Variants in MRRF observed in about 807,000 individuals in gnomAD.
The protein encoded by MRRF is mitochondrial ribosome recycling factor.
Under a neutral mutation model 25.1 loss-of-function variants are expected in MRRF, and 18 were observed. That is an observed-to-expected ratio of 0.72 (90% CI 0.50 to 1.06). The LOEUF (loss-of-function observed/expected upper bound fraction) is 1.06, where lower values mean the gene tolerates loss of function less well. MRRF is among the 50% of genes least tolerant of loss of function. MRRF has a pLI of 0.00. For synonymous variants in MRRF, 113 were observed against 112.1 expected (o/e 1.01, Z -0.05); for missense variants, 323 against 319.3 (o/e 1.01, Z -0.09).
intron 2 of MRRF, among the ~76,000 whole-genome samples, chr9:122,277,685 G>A (rs1327372413): frequency 6.6e-6 from 1 of 152,108 alleles, no homozygotes; most frequent in African/African-American, 2.4e-5. Context: ...CGAGTAGCTG[G>A]GACTACAGGC....
chr9:122,267,566 A>C (rs1361741006), intron 1 of MRRF, among the ~76,000 whole-genome samples: 1 of 152,200 alleles, frequency 6.6e-6, no homozygotes, highest in Admixed American at 6.5e-5. Flanking sequence ...TTAGCATCCC[A>C]AGTAACTGGG....
At chr9:122,284,822 G>T (rs1833284589) in intron 3 of MRRF, among the ~76,000 whole-genome samples, 2 of 152,164 alleles carry the variant, frequency 1.3e-5, no homozygotes, top group Admixed American at 6.5e-5. Context: ...ATCTCACTCT[G>T]TTGCCTAGGG....
intron 5 of MRRF, among the ~76,000 whole-genome samples, chr9:122,306,082 G>A (rs917002339): frequency 1.3e-5 from 2 of 152,222 alleles, no homozygotes; most frequent in African/African-American, 4.8e-5. Flanking sequence ...AGAACAGGCT[G>A]TCTTTCTCCA....
chr9:122,266,944 C>T (rs566111339), intron 1 of MRRF, among the ~76,000 whole-genome samples: 1 of 152,072 alleles, frequency 6.6e-6, no homozygotes, highest in Admixed American at 6.5e-5. Flanking sequence ...GTGGCGCACG[C>T]CTGTAATCCC....
chr9:122,271,135 A>G, intron 2 of MRRF, 60 bp downstream of exon 2: 1 of 1,416,000 alleles, frequency 7.1e-7, no homozygotes, highest in Non-Finnish European at 1.0e-6. Context: ...CCCTTGAATT[A>G]TAGCTGGCAG....
At chr9:122,283,092 ATTTTTTT>A (rs546491734) in intron 3 of MRRF, among the ~76,000 whole-genome samples, 1 of 139,248 alleles carries the variant, frequency 7.2e-6, no homozygotes, top group African/African-American at 2.6e-5. Flanking sequence ...TATAAGTACA[ATTTTTTT>A]TTTTTTTTTT....
At chr9:122,314,525 G>C (rs1835397343) in intron 6 of MRRF, among the ~76,000 whole-genome samples, 1 of 152,200 alleles carries the variant, frequency 6.6e-6, no homozygotes, top group Non-Finnish European at 1.5e-5. Context: ...AATCACTTGG[G>C]TAGCTTATAA....
intron 5 of MRRF, among the ~76,000 whole-genome samples, chr9:122,299,032 C>T (rs1429446010): frequency 2.0e-5 from 3 of 151,984 alleles, no homozygotes; most frequent in African/African-American, 4.8e-5. Flanking sequence ...TGGGAGTCTA[C>T]CTGGGATGTT....
At chr9:122,280,837 A>G (rs1467450393) in intron 3 of MRRF, among the ~76,000 whole-genome samples, 2 of 152,198 alleles carry the variant, frequency 1.3e-5, no homozygotes, top group African/African-American at 2.4e-5. Context: ...AGTTAACACT[A>G]CATTTATTTA....
Position 122,265,857 on chromosome 9 carries a change from T to C in MRRF, c.-29+919T>C. 4.8e-6 allele frequency: 4 copies of C among 827,882 alleles called. No individual in the cohort carries two copies. The Admixed American group carries it at 9.3e-5, about 19-fold the overall frequency. 51.3% of individuals were successfully genotyped at this position (827,882 alleles called of 1,614,324 possible). On this transcript the variant is annotated intron_variant, in intron 1 of 6. Transcript: ENST00000344641. ...CTACCTGTTAAAGTGTCTCATTCCT[T>C]CTTTGGCCGTGCCAGGTGCATAATG...
At position 122,324,202 on chromosome 9, in the gene MRRF, T is replaced by C. The variant is rs1836041408; in HGVS notation, c.*1585T>C. On this transcript the variant is annotated 3_prime_UTR_variant, in exon 7 of 7. Transcript: ENST00000344641. ...GCCAGTCATGAGTCTGGGCCACCCATACTCCTGACTGACCAACTACAAACT... is the reference window on the plus strand; with the variant it reads ...GCCAGTCATGAGTCTGGGCCACCCACACTCCTGACTGACCAACTACAAACT... The C allele has an allele frequency of 6.6e-6, 1 of 152,248 alleles. No individual in the cohort carries two copies. Among genetic ancestry groups the C allele is most frequent in the Non-Finnish European group, 1.5e-5 (1 of 68,046 alleles). 9.4% of individuals were successfully genotyped at this position (152,248 alleles called of 1,614,324 possible).
chr9:122,271,170 C>T (rs2119032202), intron 2 of MRRF, 95 bp downstream of exon 2: 1 of 1,084,760 alleles, frequency 9.2e-7, no homozygotes, highest in East Asian at 2.4e-5. Context: ...CTGAATTTCT[C>T]CCCTTGCTAA....
chr9:122,296,249 T>A (rs1588050090), intron 5 of MRRF, among the ~76,000 whole-genome samples: 1 of 152,360 alleles, frequency 6.6e-6, no homozygotes, highest in East Asian at 1.9e-4. Context: ...TTTGCTTCTC[T>A]GGCAGTGATT....
At chr9:122,270,280 G>T (rs1160344867) in intron 1 of MRRF, among the ~76,000 whole-genome samples, 1 of 152,214 alleles carries the variant, frequency 6.6e-6, no homozygotes. Flanking sequence ...ACAGGAGAGG[G>T]TGGCATGTTC....
At chr9:122,280,909 C>T (rs1833062941) in intron 3 of MRRF, among the ~76,000 whole-genome samples, 1 of 152,082 alleles carries the variant, frequency 6.6e-6, no homozygotes, top group Admixed American at 6.6e-5. Context: ...TAGTAGTAAA[C>T]AAAAATAGGT....
chr9:122,284,486 A>G (rs1210749928), intron 3 of MRRF, among the ~76,000 whole-genome samples: 1 of 152,154 alleles, frequency 6.6e-6, no homozygotes, highest in Non-Finnish European at 1.5e-5. Flanking sequence ...TTTTGACTGA[A>G]TTGGAAACCA....
chr9:122,307,301 A>T (rs942754917), intron 5 of MRRF, among the ~76,000 whole-genome samples: 1 of 152,178 alleles, frequency 6.6e-6, no homozygotes, highest in Non-Finnish European at 1.5e-5. Context: ...GTATCTTGAT[A>T]GGCCATTCCT....
In MRRF at chr9:122,270,857, T is replaced by G; in HGVS notation, c.-28-7T>G. 1 of 1,610,814 alleles carries G rather than the reference T, an allele frequency of 6.2e-7. No individual in the cohort carries two copies. The highest frequency in any genetic ancestry group is 1.3e-5 in the African/African-American group (1 of 75,012). On this transcript the variant is annotated splice_region_variant and splice_polypyrimidine_tract_variant and intron_variant, in intron 1 of 6. Transcript: ENST00000344641. ...CTTAGATCTGCTTTTTGTCTTATTC[T>G]TTTTAGTGGATGTTTCCAAGGATTG...
At chr9:122,310,029 C>T (rs1835107057) in intron 5 of MRRF, among the ~76,000 whole-genome samples, 1 of 152,208 alleles carries the variant, frequency 6.6e-6, no homozygotes, top group African/African-American at 2.4e-5. Context: ...TTTACATTTC[C>T]TGAGTGTTTA....
Sources: allele counts gnomAD v4.1 joint callset (sites outside exome capture counted in the v4.1 genomes callset), GRCh38; gene constraint gnomAD v4.1.1; transcripts MANE v1.5; gene names NCBI Gene and HGNC (gene_info 2026-07-23, HGNC 2026-07-21).